SUV39H1: variants seen among roughly 807,000 people sequenced by gnomAD.
The protein encoded by SUV39H1 is SUV39H1 histone lysine methyltransferase.
For missense variants in SUV39H1, 180 were observed against 386.3 expected, an observed-to-expected ratio of 0.47 and a Z score of 4.48; for synonymous variants, 141 against 150.5, an observed-to-expected ratio of 0.94 and a Z score of 0.46.
chrX:48,707,789 C>T lies in SUV39H1; in HGVS notation c.*219C>T. The T allele has an allele frequency of 4.0e-6, 2 of 500,050 alleles. No homozygotes were observed. Among genetic ancestry groups the T allele is most frequent in the Non-Finnish European group, 7.2e-6 (2 of 278,772 alleles). The allele number at this position is 500,050 out of a possible 1,213,427, so 41.2% of individuals were successfully genotyped here. ...CAGCCCCATCTGTGGGTTGCACTTA[C>T]AAACCCCCACCCACCTTCAGAAATA... On this transcript the variant is annotated 3_prime_UTR_variant, in exon 6 of 6. Transcript: ENST00000376687.
At chrX:48,698,071 C>A (rs895734914) in intron 1 of SUV39H1, among the ~76,000 whole-genome samples, 36 of 112,261 alleles carry the variant, frequency 3.2e-4, no homozygotes, top group African/African-American at 1.1e-3. Context: ...CCAGATTGAT[C>A]ATTTAAGGAG....
At chrX:48,703,122 A>G (rs1557009635) in intron 3 of SUV39H1, among the ~76,000 whole-genome samples, 1 of 112,672 alleles carries the variant, frequency 8.9e-6, no homozygotes, top group African/African-American at 3.2e-5. Flanking sequence ...GCACTTGAAC[A>G]GTGTTCAGTA....
chrX:48,704,971 C>G (rs2062486273), intron 3 of SUV39H1, among the ~76,000 whole-genome samples: 1 of 112,428 alleles, frequency 8.9e-6, no homozygotes, highest in African/African-American at 3.2e-5. Flanking sequence ...AGGAACAGAA[C>G]TGGAGCACGG....
chrX:48,698,817 G>A (rs948695573), intron 1 of SUV39H1, 85 bp from the exon 2 acceptor site: 1 of 1,085,595 alleles, frequency 9.2e-7, no homozygotes, highest in Non-Finnish European at 1.2e-6. Context: ...TCTTTGGGAT[G>A]TCCCAGGGAG....
Position 48,706,645 on chromosome X carries a change from C to A in SUV39H1, c.1105+18C>A. On this transcript the variant is annotated intron_variant, in intron 5 of 5. Transcript: ENST00000376687. ...CATGCAAGGTGGGGGTGGCAAGGGA[C>A]TGGGGGCAGGGGCGCACTGTGACTT... The A allele has an allele frequency of 8.4e-7, 1 of 1,192,576 alleles. No homozygotes were observed. Among genetic ancestry groups the A allele is most frequent in the Non-Finnish European group, 1.1e-6 (1 of 883,608 alleles).
At chrX:48,703,080 A>G (rs2062480090) in intron 3 of SUV39H1, among the ~76,000 whole-genome samples, 1 of 112,232 alleles carries the variant, frequency 8.9e-6, no homozygotes, top group South Asian at 3.7e-4. Context: ...CAAAAATTAA[A>G]TGAGTTACTA....
In SUV39H1 at chrX:48,699,037, A is replaced by G; in HGVS notation, c.155A>G (p.Lys52Arg). Residue 52 changes from lysine (K) to arginine (R), a missense_variant, in exon 2 of 6, where the codon AAG becomes AGG. By Grantham distance (26) the Lys-to-Arg change is conservative (BLOSUM62 2). Transcript: ENST00000376687. Reference sequence around the variant, plus strand: ...GAAGTCGAGTACCTGTGCGATTACAAGAAGATCCGCGTGAGTCTGGGGTGA... The same window carrying G: ...GAAGTCGAGTACCTGTGCGATTACAGGAAGATCCGCGTGAGTCTGGGGTGA... The part of the protein sequence containing the change: ...DFEVEYLCDY[K>R]KIREQEYYLV... The G allele has an allele frequency of 8.3e-7, 1 of 1,209,258 alleles. No individual in the cohort carries two copies. Among genetic ancestry groups the G allele is most frequent in the Middle Eastern group, 2.3e-4 (1 of 4,339 alleles).
At position 48,706,396 on chromosome X, in the gene SUV39H1, C is replaced by T; in HGVS notation, c.960C>T (p.His320=). The part of the protein sequence containing the change: ...VDAAYYGNIS[H]FVNHSCDPNL... ...CCGCCTACTATGGCAACATCTCCCA[C>T]TTTGTCAACCACAGTGTGGGTACCC... The change falls in exon 4 of 6, where the codon CAC becomes CAT. Residue 320 remains histidine (H), a synonymous_variant. Coordinates refer to ENST00000376687, the MANE Select transcript of SUV39H1 (RefSeq NM_003173.4). 2 of 1,210,447 alleles carry T rather than the reference C, an allele frequency of 1.7e-6. No homozygotes were observed. The highest frequency in any genetic ancestry group is 2.3e-4 in the Middle Eastern group (1 of 4,347).
chrX:48,695,688 G>A (rs1396781439), upstream of SUV39H1: 1 of 1,127,063 alleles, frequency 8.9e-7, no homozygotes, highest in African/African-American at 1.8e-5. Flanking sequence ...GGGGCGGATT[G>A]AACGAGTCAC....
At position 48,708,236 on chromosome X, in the gene SUV39H1, C is replaced by T. The variant is rs1201391317; in HGVS notation, c.*666C>T. 7.7e-6 allele frequency: 1 copy of T among 129,480 alleles called. No homozygotes were observed. Among genetic ancestry groups the T allele is most frequent in the Non-Finnish European group, 1.5e-5 (1 of 64,590 alleles). 10.7% of individuals were successfully genotyped at this position (129,480 alleles called of 1,213,427 possible). A position where few individuals can be genotyped will look rare whatever the true frequency, so the allele number is the denominator to read the frequency against. ...GGAAGGGAAGTGGGTGTCCATGGGC[C>T]ACTGAGCAGTGAGAGGAAGGCAGTG... is the stretch of plus-strand genomic sequence containing the variant. On this transcript the variant is annotated 3_prime_UTR_variant, in exon 6 of 6. Coordinates refer to ENST00000376687, the MANE Select transcript of SUV39H1 (RefSeq NM_003173.4).
intron 3 of SUV39H1, among the ~76,000 whole-genome samples, chrX:48,703,499 C>G (rs1408392272): frequency 2.7e-5 from 3 of 111,749 alleles, no homozygotes; most frequent in Non-Finnish European, 5.6e-5. Context: ...CACATTGGGT[C>G]AGAACTTTCA....
chrX:48,696,597 G>A (rs1238574597), upstream of SUV39H1: 4 of 476,660 alleles, frequency 8.4e-6, no homozygotes, highest in African/African-American at 2.6e-5. Flanking sequence ...GGGAAAGCGC[G>A]GCGAGCACCC....
upstream of SUV39H1, chrX:48,695,950 G>A (rs2062453050): frequency 9.0e-7 from 1 of 1,115,251 alleles, no homozygotes; most frequent in Non-Finnish European, 1.2e-6. Context: ...GTGACTGATC[G>A]TGGTGTGAAT....
chrX:48,696,823 G>T lies in SUV39H1; in HGVS notation c.19+20G>T. The T allele has an allele frequency of 9.0e-7, 1 of 1,114,829 alleles. No homozygotes were observed. The highest frequency in any genetic ancestry group is 1.2e-6 in the Non-Finnish European group (1 of 846,890). The allele number at this position is 1,114,829 out of a possible 1,213,427, so 91.9% of individuals were successfully genotyped here. ...TAAAAGGTGAAGCAGTGGAGGCAGAGGCGCGGGCCCGCTGGCCGGGCCGGG... is the reference window on the plus strand; with the variant it reads ...TAAAAGGTGAAGCAGTGGAGGCAGATGCGCGGGCCCGCTGGCCGGGCCGGG... On this transcript the variant is annotated intron_variant, in intron 1 of 5. Coordinates refer to ENST00000376687, the MANE Select transcript of SUV39H1 (RefSeq NM_003173.4).
At chrX:48,697,560 T>C (rs2062460788) in intron 1 of SUV39H1, among the ~76,000 whole-genome samples, 1 of 111,034 alleles carries the variant, frequency 9.0e-6, no homozygotes, top group Non-Finnish European at 1.9e-5. Context: ...GGACAGGCTG[T>C]AGGGAGAGGA....
chrX:48,700,984 G>T (rs1188941945), intron 3 of SUV39H1: 6 of 469,873 alleles, frequency 1.3e-5, no homozygotes, highest in Admixed American at 3.0e-5. Context: ...CTTCTGCACT[G>T]GGTTGACTTT....
intron 3 of SUV39H1, chrX:48,701,039 G>A: frequency 2.5e-6 from 1 of 399,973 alleles, no homozygotes; most frequent in South Asian, 3.2e-5. Flanking sequence ...TGAGATCCAG[G>A]CAGCCTTAGC....
In SUV39H1 at chrX:48,699,043, T is replaced by A; in HGVS notation, c.161T>A (p.Ile54Asn). The change falls in exon 2 of 6, where the codon ATC (isoleucine) becomes AAC (asparagine). Residue 54 changes from isoleucine to asparagine, a missense_variant. Transcript: ENST00000376687. ...GAGTACCTGTGCGATTACAAGAAGA[T>A]CCGCGTGAGTCTGGGGTGACCATGC... is the stretch of plus-strand genomic sequence containing the variant. Reference protein sequence around the residue: ...EVEYLCDYKKIREQEYYLVKW... With the variant: ...EVEYLCDYKKNREQEYYLVKW... 8.3e-7 allele frequency: 1 copy of A among 1,207,095 alleles called. No homozygotes were observed. The highest frequency in any genetic ancestry group is 1.8e-5 in the South Asian group (1 of 55,992).
chrX:48,700,609 C>T lies in SUV39H1; in HGVS notation c.684C>T (p.Cys228=), dbSNP rs782364466. Residue 228 remains cysteine, a synonymous_variant, in exon 3 of 6, where the codon TGC becomes TGT. Transcript: ENST00000376687. ...ACGAGTGCAACTCCCGCTGCCGCTG[C>T]GGCTATGACTGCCCAAATCGTGTGG... ...PIYECNSRCR[C]GYDCPNRVVQ... is the part of the protein sequence containing the mutation. 1.2e-5 allele frequency: 15 copies of T among 1,211,151 alleles called. No individual in the cohort carries two copies. In the African/African-American group the frequency reaches 2.4e-4, roughly 20 times the overall value.
Sources: allele counts gnomAD v4.1 joint callset (sites outside exome capture counted in the v4.1 genomes callset), GRCh38; gene constraint gnomAD v4.1.1; transcripts MANE v1.5; gene names NCBI Gene and HGNC (gene_info 2026-07-23, HGNC 2026-07-21).